Variants in PDE11A observed in about 807,000 individuals in gnomAD.
The protein encoded by PDE11A is phosphodiesterase 11A.
In PDE11A, 100 loss-of-function variants were observed where a neutral mutation model predicts 100.5. The ratio of observed to expected loss-of-function variants is 1.00; its 90% CI spans 0.85 to 1.18. The LOEUF is 1.18. Among genes scored for constraint, PDE11A ranks in the 50% most tolerant of loss-of-function variants. The probability of loss-of-function intolerance (pLI) is 0.00; values close to 1 mark genes in which losing one functional copy is unlikely to be tolerated. For synonymous variants in PDE11A, 381 were observed against 420.8 expected (o/e 0.91, Z 1.16); for missense variants, 1,141 against 1,152.6 (o/e 0.99, Z 0.15).
chr2:178,094,411 G>A (rs927715385), intron 2 of PDE11A, among the ~76,000 whole-genome samples: 69 of 151,984 alleles, frequency 4.5e-4, no homozygotes, highest in African/African-American at 1.7e-3. Flanking sequence ...GCACTTCCGG[G>A]GTCCCAGCTA....
intron 12 of PDE11A, among the ~76,000 whole-genome samples, chr2:177,726,453 C>T (rs10202985): frequency 0.089 from 13,485 of 152,036 alleles, 1,993 homozygotes; most frequent in African/African-American, 0.3. Flanking sequence ...ATGATCTCTT[C>T]CCTCAGCAGC....
At chr2:177,735,021 G>A (rs1257841938) in intron 10 of PDE11A, among the ~76,000 whole-genome samples, 1 of 152,216 alleles carries the variant, frequency 6.6e-6, no homozygotes, top group Non-Finnish European at 1.5e-5. Context: ...GCCAGGCACT[G>A]GCATATGCTG....
At chr2:177,980,975 TACACACACAC>T (rs3073403) in intron 2 of PDE11A, among the ~76,000 whole-genome samples, 17,519 of 129,638 alleles carry the variant, frequency 0.14, 2,237 homozygotes, top group African/African-American at 0.31. Context: ...GAGAACTAGA[TACACACACAC>T]ACACACACAC....
At chr2:177,681,941 T>C (rs902218533) in intron 15 of PDE11A, among the ~76,000 whole-genome samples, 3 of 152,234 alleles carry the variant, frequency 2.0e-5, no homozygotes, top group Non-Finnish European at 4.4e-5. Flanking sequence ...CAAAGCTGTC[T>C]CTTTTGGAGA....
intron 2 of PDE11A, among the ~76,000 whole-genome samples, chr2:178,090,789 A>G (rs2087413062): frequency 6.6e-6 from 1 of 152,214 alleles, no homozygotes; most frequent in Admixed American, 6.5e-5. Flanking sequence ...GTCCCTACAG[A>G]TGTCTCTGCC....
chr2:177,767,202 C>T (rs543215483), intron 10 of PDE11A, among the ~76,000 whole-genome samples: 14 of 151,998 alleles, frequency 9.2e-5, no homozygotes, highest in African/African-American at 2.2e-4. Flanking sequence ...TGGTGATGCG[C>T]GCCTGTAATC....
chr2:178,030,318 T>A (rs1306017683), intron 1 of PDE11A, among the ~76,000 whole-genome samples: 2 of 151,984 alleles, frequency 1.3e-5, no homozygotes, highest in African/African-American at 4.8e-5. Context: ...TAAAAACTTA[T>A]CCAAAAAATC....
At chr2:177,694,033 C>G (rs1336854850) in intron 15 of PDE11A, among the ~76,000 whole-genome samples, 1 of 152,158 alleles carries the variant, frequency 6.6e-6, no homozygotes, top group Admixed American at 6.5e-5. Flanking sequence ...CTCTGAAAGT[C>G]TAGATTAGAG....
intron 6 of PDE11A, among the ~76,000 whole-genome samples, chr2:177,827,420 C>A (rs931223678): frequency 6.6e-6 from 1 of 152,198 alleles, no homozygotes; most frequent in African/African-American, 2.4e-5. Flanking sequence ...GCCTGCCCTA[C>A]TTTTTAGTTA....
intron 1 of PDE11A, among the ~76,000 whole-genome samples, chr2:178,016,109 T>G (rs2086332910): frequency 6.8e-6 from 1 of 147,440 alleles, no homozygotes; most frequent in Admixed American, 6.8e-5. Flanking sequence ...GGACTACAGA[T>G]GCAAGCCATC....
At chr2:177,852,152 G>A (rs1256187591) in intron 5 of PDE11A, among the ~76,000 whole-genome samples, 1 of 152,122 alleles carries the variant, frequency 6.6e-6, no homozygotes, top group Non-Finnish European at 1.5e-5. Context: ...TACCCTTGAT[G>A]CACTAGTGGT....
At chr2:178,004,473 A>G (rs1255761291) in intron 2 of PDE11A, among the ~76,000 whole-genome samples, 1 of 152,210 alleles carries the variant, frequency 6.6e-6, no homozygotes. Flanking sequence ...AGTTATTCAA[A>G]GAAGACCGTT....
At chr2:177,841,881 A>G (rs2083496420) in intron 5 of PDE11A, among the ~76,000 whole-genome samples, 1 of 149,164 alleles carries the variant, frequency 6.7e-6, no homozygotes, top group African/African-American at 2.5e-5. Flanking sequence ...TATTTTCTAA[A>G]ACAAATCAAA....
At chr2:178,002,748 G>A (rs900451114) in intron 2 of PDE11A, among the ~76,000 whole-genome samples, 9 of 152,126 alleles carry the variant, frequency 5.9e-5, no homozygotes, top group African/African-American at 2.2e-4. Context: ...TGCATACACT[G>A]AATAAACCAA....
chr2:177,962,294 T>TG (rs1195669372), intron 2 of PDE11A, among the ~76,000 whole-genome samples: 1 of 152,070 alleles, frequency 6.6e-6, no homozygotes, highest in African/African-American at 2.4e-5. Flanking sequence ...GTGTTGCACT[T>TG]GGTAGGCATT....
chr2:177,921,376 A>G (rs748918156), intron 2 of PDE11A, among the ~76,000 whole-genome samples: 4 of 151,700 alleles, frequency 2.6e-5, no homozygotes, highest in African/African-American at 9.7e-5. Context: ...CTTTACCCAG[A>G]GACACATTTC....
chr2:178,023,949 G>A (rs2086445424), intron 1 of PDE11A, among the ~76,000 whole-genome samples: 1 of 152,136 alleles, frequency 6.6e-6, no homozygotes, highest in Non-Finnish European at 1.5e-5. Context: ...ACAGAGCTTG[G>A]CAGTCCTTGT....
At chr2:177,741,521 T>A (rs1033503807) in intron 10 of PDE11A, among the ~76,000 whole-genome samples, 1 of 152,184 alleles carries the variant, frequency 6.6e-6, no homozygotes, top group Non-Finnish European at 1.5e-5. Flanking sequence ...GAGCACTAAA[T>A]ATCTAGAAAT....
chr2:177,638,974 C>G (rs574069080), intron 19 of PDE11A, among the ~76,000 whole-genome samples: 6 of 152,330 alleles, frequency 3.9e-5, no homozygotes, highest in Non-Finnish European at 8.8e-5. Flanking sequence ...CTGCAGATCT[C>G]TGGGCTTTTT....
Sources: allele counts gnomAD v4.1 joint callset (sites outside exome capture counted in the v4.1 genomes callset), GRCh38; gene constraint gnomAD v4.1.1; transcripts MANE v1.5; gene names NCBI Gene and HGNC (gene_info 2026-07-23, HGNC 2026-07-21).